Variants in STT3B observed in about 807,000 individuals in gnomAD.
STT3B encodes the protein dolichyl-diphosphooligosaccharide--protein glycosyltransferase subunit STT3B.
In STT3B, 29 loss-of-function variants were observed where a neutral mutation model predicts 96.8. The observed-to-expected ratio is 0.30, with a 90% CI of 0.22 to 0.41. STT3B has a LOEUF of 0.41. STT3B is among the 10% of genes least tolerant of loss of function. The pLI, the probability that STT3B is intolerant of heterozygous loss-of-function variation, is 1.00. For missense variants in STT3B, 640 were observed against 1,022.3 expected (o/e 0.63, Z 5.10); for synonymous variants, 367 against 360.0 (o/e 1.02, Z -0.22).
chr3:31,540,316 CTT>C (rs1022479811), intron 1 of STT3B, among the ~76,000 whole-genome samples: 3 of 151,796 alleles, frequency 2.0e-5, no homozygotes, highest in Non-Finnish European at 4.4e-5. Context: ...AAACTTTATT[CTT>C]TTTTACCTTG....
Position 31,635,972 on chromosome 3 carries a change from GT to G in STT3B, c.2401-5del. 1.3e-6 allele frequency: 2 copies of G among 1,592,974 alleles called. No homozygotes were observed. The highest frequency in any genetic ancestry group is 1.8e-5 in the Admixed American group (1 of 56,624). On this transcript the variant is annotated splice_polypyrimidine_tract_variant and intron_variant, in intron 15 of 15. Transcript: ENST00000295770. ...AACCTGCATTAATACTATGTGTTTT[GT>G]TTTTTTATAGACTACCAAAAGGAAG...
At chr3:31,535,667 G>C (rs1225723420) in intron 1 of STT3B, among the ~76,000 whole-genome samples, 9 of 152,166 alleles carry the variant, frequency 5.9e-5, no homozygotes, top group Non-Finnish European at 1.3e-4. Context: ...AGGTTGCAGT[G>C]AGCCGAGATC....
At chr3:31,553,101 C>CAAA (rs558668757) in intron 1 of STT3B, among the ~76,000 whole-genome samples, 17 of 63,084 alleles carry the variant, frequency 2.7e-4, no homozygotes, top group Non-Finnish European at 5.2e-4. Context: ...AACTCCGTCT[C>CAAA]AAAAAAAAAA....
At chr3:31,594,111 A>G (rs1698732476) in intron 3 of STT3B, among the ~76,000 whole-genome samples, 1 of 152,200 alleles carries the variant, frequency 6.6e-6, no homozygotes, top group South Asian at 2.1e-4. Context: ...AGCATGACTT[A>G]TTGTCTGGGA....
intron 10 of STT3B, among the ~76,000 whole-genome samples, chr3:31,622,947 AAT>A (rs1470803248): frequency 2.0e-5 from 3 of 152,188 alleles, no homozygotes; most frequent in African/African-American, 7.2e-5. Flanking sequence ...TTAAAATACT[AAT>A]AAATTAAACT....
chr3:31,555,022 A>G (rs1328772529), intron 1 of STT3B, among the ~76,000 whole-genome samples: 1 of 152,076 alleles, frequency 6.6e-6, no homozygotes, highest in Non-Finnish European at 1.5e-5. Context: ...GATTCCACTG[A>G]CTGGCCTCTC....
At chr3:31,567,990 AT>A (rs1698044850) in intron 1 of STT3B, among the ~76,000 whole-genome samples, 1 of 150,326 alleles carries the variant, frequency 6.7e-6, no homozygotes, top group South Asian at 2.1e-4. Context: ...CCCTCCCCAC[AT>A]TTTGCCCCCC....
chr3:31,561,136 A>T (rs1697867564), intron 1 of STT3B, among the ~76,000 whole-genome samples: 1 of 151,800 alleles, frequency 6.6e-6, no homozygotes, highest in Non-Finnish European at 1.5e-5. Flanking sequence ...TAAATTTCTC[A>T]TTCATATCCT....
chr3:31,620,756 G>A (rs552872628), intron 9 of STT3B, among the ~76,000 whole-genome samples: 1 of 152,148 alleles, frequency 6.6e-6, no homozygotes, highest in Non-Finnish European at 1.5e-5. Context: ...ACTTTATCAC[G>A]TGCACAGGAT....
chr3:31,637,036 C>T lies in STT3B; in HGVS notation c.*972C>T, dbSNP rs1461124878. On this transcript the variant is annotated 3_prime_UTR_variant, in exon 16 of 16. Coordinates refer to ENST00000295770, the MANE Select transcript of STT3B (RefSeq NM_178862.3). ...CCATTCACAATGATTTTGTTCTCTG[C>T]TCCATATTTTTTAATCCCTTAAGCA... The T allele has an allele frequency of 6.6e-6, 1 of 152,110 alleles. No homozygotes were observed. The highest frequency in any genetic ancestry group is 2.4e-5 in the African/African-American group (1 of 41,408). 9.4% of individuals were successfully genotyped at this position (152,110 alleles called of 1,614,324 possible). A position where few individuals can be genotyped will look rare whatever the true frequency, so the allele number is the denominator to read the frequency against.
At chr3:31,581,533 C>T (rs1698384277) in intron 3 of STT3B, among the ~76,000 whole-genome samples, 1 of 152,144 alleles carries the variant, frequency 6.6e-6, no homozygotes, top group Admixed American at 6.5e-5. Context: ...ACATTACATT[C>T]ATGAATAAGT....
chr3:31,621,490 A>G (rs1469823449), intron 9 of STT3B, among the ~76,000 whole-genome samples: 1 of 152,214 alleles, frequency 6.6e-6, no homozygotes, highest in African/African-American at 2.4e-5. Context: ...AGCTCACATG[A>G]CTCACTGAAT....
chr3:31,629,130 A>G (rs1699599875), intron 13 of STT3B, 168 bp from the exon 14 acceptor site: 1 of 570,862 alleles, frequency 1.8e-6, no homozygotes, highest in South Asian at 2.2e-5. Flanking sequence ...TTAAGGCCTT[A>G]TAACATGGTT....
At chr3:31,612,860 CTA>C (rs1699215991) in intron 5 of STT3B, among the ~76,000 whole-genome samples, 1 of 152,136 alleles carries the variant, frequency 6.6e-6, no homozygotes, top group Non-Finnish European at 1.5e-5. Flanking sequence ...ATGAATATGA[CTA>C]TGAATATGTA....
At chr3:31,575,564 C>T (rs1240709863) in intron 1 of STT3B, among the ~76,000 whole-genome samples, 1 of 151,954 alleles carries the variant, frequency 6.6e-6, no homozygotes, top group Non-Finnish European at 1.5e-5. Context: ...TCATAACTTG[C>T]TGCTGGAAAG....
intron 1 of STT3B, among the ~76,000 whole-genome samples, chr3:31,559,143 T>TGGGGG (rs202088544): frequency 9.7e-6 from 1 of 103,594 alleles, no homozygotes; most frequent in African/African-American, 3.9e-5. Flanking sequence ...CATTGATTCT[T>TGGGGG]GGGGTGTGTG....
chr3:31,625,161 A>T, intron 12 of STT3B, 76 bp downstream of exon 12: 1 of 1,343,916 alleles, frequency 7.4e-7, no homozygotes, highest in Non-Finnish European at 1.0e-6. Flanking sequence ...GTGACTAAAT[A>T]GGAAAAATGT....
intron 4 of STT3B, among the ~76,000 whole-genome samples, chr3:31,599,739 T>C (rs1698884817): frequency 6.6e-6 from 1 of 152,190 alleles, no homozygotes; most frequent in Admixed American, 6.5e-5. Flanking sequence ...AGAATATTCA[T>C]TAATGTAGAC....
chr3:31,584,104 T>C (rs1698482208), intron 3 of STT3B, among the ~76,000 whole-genome samples: 1 of 152,204 alleles, frequency 6.6e-6, no homozygotes, highest in African/African-American at 2.4e-5. Context: ...GTATATGGTG[T>C]GAGAGAGGAA....
Sources: allele counts gnomAD v4.1 joint callset (sites outside exome capture counted in the v4.1 genomes callset), GRCh38; gene constraint gnomAD v4.1.1; transcripts MANE v1.5; gene names NCBI Gene and HGNC (gene_info 2026-07-23, HGNC 2026-07-21).